The following EFCAB11 variants were observed in gnomAD, a reference collection of about 807,000 sequenced individuals.
The protein encoded by EFCAB11 is EF-hand calcium binding domain 11, also known as EF-hand calcium-binding domain-containing protein 11.
A neutral mutation model predicts 23.0 loss-of-function variants in EFCAB11; 14 were observed. The observed-to-expected ratio is 0.61, with a 90% CI of 0.40 to 0.95. The LOEUF (loss-of-function observed/expected upper bound fraction) is 0.95, where lower values mean the gene tolerates loss of function less well. EFCAB11 is among the 40% of genes least tolerant of loss of function. The pLI is 0.00. For missense variants in EFCAB11, 198 were observed against 195.8 expected, an observed-to-expected ratio of 1.01 and a Z score of -0.07; for synonymous variants, 65 against 66.6, an observed-to-expected ratio of 0.98 and a Z score of 0.11.
At chr14:89,832,415 G>A (rs890508197) in intron 5 of EFCAB11, among the ~76,000 whole-genome samples, 2 of 152,092 alleles carry the variant, frequency 1.3e-5, no homozygotes, top group Non-Finnish European at 2.9e-5. Flanking sequence ...AAATGTGGAT[G>A]TCTTTAGGCA....
At chr14:89,847,741 C>CAAAAAAAAAAAA (rs561016492) in intron 5 of EFCAB11, among the ~76,000 whole-genome samples, 1 of 92,080 alleles carries the variant, frequency 1.1e-5, no homozygotes, top group South Asian at 4.3e-4. Context: ...CTCTGTCTCA[C>CAAAAAAAAAAAA]AAAAAAAAAA....
chr14:89,931,637 T>G lies in EFCAB11; in HGVS notation c.320-6A>C. 1 of 1,611,968 alleles carries G rather than the reference T, an allele frequency of 6.2e-7. No homozygotes were observed. The highest frequency in any genetic ancestry group is 8.5e-7 in the Non-Finnish European group (1 of 1,178,626). Reference sequence around the variant, plus strand: ...CAAAGTTAAAAATCCACGATCTATTTGAAAACAATAAAAAATATTCACTTA... The same window carrying G: ...CAAAGTTAAAAATCCACGATCTATTGGAAAACAATAAAAAATATTCACTTA... On this transcript the variant is annotated splice_polypyrimidine_tract_variant and splice_region_variant and intron_variant, in intron 4 of 5. Transcript: ENST00000316738.
intron 5 of EFCAB11, among the ~76,000 whole-genome samples, chr14:89,910,280 C>A (rs1288443232): frequency 6.6e-6 from 1 of 152,172 alleles, no homozygotes; most frequent in Non-Finnish European, 1.5e-5. Context: ...GCCACACATA[C>A]AATCAGGGGT....
intron 4 of EFCAB11, 113 bp downstream of exon 4, chr14:89,932,413 C>T: frequency 1.3e-6 from 1 of 790,246 alleles, no homozygotes; most frequent in Non-Finnish European, 2.0e-6. Context: ...CTAATGAATA[C>T]AGTAATATAA....
chr14:89,906,014 C>G (rs376760173), intron 5 of EFCAB11, among the ~76,000 whole-genome samples: 2 of 152,068 alleles, frequency 1.3e-5, no homozygotes, highest in East Asian at 1.9e-4. Flanking sequence ...CAATGTGAAA[C>G]ATTTTCAGCT....
At chr14:89,927,930 C>T (rs1890246807) in intron 5 of EFCAB11, among the ~76,000 whole-genome samples, 1 of 152,090 alleles carries the variant, frequency 6.6e-6, no homozygotes, top group Non-Finnish European at 1.5e-5. Context: ...GCCATGTTGG[C>T]CAGGCTGGTC....
chr14:89,928,342 AATT>A (rs1391437764), intron 5 of EFCAB11, among the ~76,000 whole-genome samples: 3 of 152,154 alleles, frequency 2.0e-5, no homozygotes, highest in African/African-American at 4.8e-5. Context: ...TGTCTCTAGA[AATT>A]ATTAATACTT....
At chr14:89,914,914 G>A (rs1473551429) in intron 5 of EFCAB11, among the ~76,000 whole-genome samples, 1 of 151,974 alleles carries the variant, frequency 6.6e-6, no homozygotes, top group African/African-American at 2.4e-5. Context: ...ACAGGCTACT[G>A]CTCCATTTGG....
chr14:89,949,155 G>A (rs1323251296), intron 3 of EFCAB11, among the ~76,000 whole-genome samples: 1 of 151,932 alleles, frequency 6.6e-6, no homozygotes, highest in African/African-American at 2.4e-5. Flanking sequence ...TAACACAAAG[G>A]ATTAATGCTC....
chr14:89,879,259 T>C (rs1888532805), intron 5 of EFCAB11, among the ~76,000 whole-genome samples: 1 of 152,178 alleles, frequency 6.6e-6, no homozygotes, highest in African/African-American at 2.4e-5. Flanking sequence ...ACACCTTTTA[T>C]GAAATTCAGT....
chr14:89,845,203 A>G (rs925126130), intron 5 of EFCAB11, among the ~76,000 whole-genome samples: 1 of 152,200 alleles, frequency 6.6e-6, no homozygotes, highest in South Asian at 2.1e-4. Flanking sequence ...TTTCTCTTCC[A>G]TCGGTACTTT....
intron 3 of EFCAB11, among the ~76,000 whole-genome samples, chr14:89,944,787 T>G (rs905515894): frequency 6.6e-6 from 1 of 151,734 alleles, no homozygotes; most frequent in Non-Finnish European, 1.5e-5. Flanking sequence ...CTAGCAATAA[T>G]CCTGAAAGTC....
chr14:89,875,651 G>A (rs1214469385), intron 5 of EFCAB11, among the ~76,000 whole-genome samples: 1 of 152,170 alleles, frequency 6.6e-6, no homozygotes, highest in Non-Finnish European at 1.5e-5. Context: ...GGATCAGCAG[G>A]TTAAAGGTAA....
intron 5 of EFCAB11, among the ~76,000 whole-genome samples, chr14:89,805,806 A>G (rs1052854751): frequency 3.3e-5 from 5 of 152,124 alleles, no homozygotes; most frequent in Non-Finnish European, 5.9e-5. Flanking sequence ...TGACATACAA[A>G]GGATTCTGTC....
At chr14:89,916,008 C>G (rs926817209) in intron 5 of EFCAB11, among the ~76,000 whole-genome samples, 19 of 152,006 alleles carry the variant, frequency 1.2e-4, no homozygotes, top group African/African-American at 4.3e-4. Context: ...CCACACCTAG[C>G]AATGGATACC....
intron 5 of EFCAB11, among the ~76,000 whole-genome samples, chr14:89,919,022 C>T (rs1031848625): frequency 4.6e-5 from 7 of 151,558 alleles, no homozygotes; most frequent in Admixed American, 3.3e-4. Flanking sequence ...GTACAGAAGA[C>T]AGATTCTGGT....
chr14:89,845,913 C>T (rs1887417204), intron 5 of EFCAB11, among the ~76,000 whole-genome samples: 2 of 152,146 alleles, frequency 1.3e-5, no homozygotes, highest in Admixed American at 6.5e-5. Context: ...ATGAGGCTGA[C>T]TTAGGTCTCC....
chr14:89,851,302 T>C (rs1382486667), intron 5 of EFCAB11, among the ~76,000 whole-genome samples: 1 of 152,212 alleles, frequency 6.6e-6, no homozygotes, highest in Non-Finnish European at 1.5e-5. Flanking sequence ...TCAGAAAAGA[T>C]TTCCTCCAGC....
chr14:89,925,604 T>C (rs771367406), intron 5 of EFCAB11, among the ~76,000 whole-genome samples: 2 of 152,014 alleles, frequency 1.3e-5, no homozygotes, highest in Non-Finnish European at 2.9e-5. Flanking sequence ...AACACACAAA[T>C]TGTGACTACC....
Sources: allele counts gnomAD v4.1 joint callset (sites outside exome capture counted in the v4.1 genomes callset), GRCh38; gene constraint gnomAD v4.1.1; transcripts MANE v1.5; gene names NCBI Gene and HGNC (gene_info 2026-07-23, HGNC 2026-07-21).